The following CNKSR2 variants were observed in gnomAD, a reference collection of about 807,000 sequenced individuals.
The protein encoded by CNKSR2 is connector enhancer of kinase suppressor of Ras 2.
In CNKSR2, 14 loss-of-function variants were observed where a neutral mutation model predicts 84.4. The observed-to-expected ratio is 0.17, with a 90% CI of 0.11 to 0.26. The LOEUF (loss-of-function observed/expected upper bound fraction) is 0.26. CNKSR2 is among the 10% of genes least tolerant of loss of function. The probability of loss-of-function intolerance (pLI) is 1.00; values close to 1 mark genes in which losing one functional copy is unlikely to be tolerated. For missense variants in CNKSR2, 485 were observed against 771.2 expected, an observed-to-expected ratio of 0.63 and a Z score of 4.40; for synonymous variants, 275 against 277.9, an observed-to-expected ratio of 0.99 and a Z score of 0.10.
intron 13 of CNKSR2, among the ~76,000 whole-genome samples, chrX:21,568,049 A>G (rs2092255124): frequency 8.9e-6 from 1 of 111,787 alleles, no homozygotes; most frequent in Admixed American, 9.5e-5. Flanking sequence ...GCACTTTGGG[A>G]GGCCAAGGCG....
intron 11 of CNKSR2, among the ~76,000 whole-genome samples, chrX:21,549,972 G>T (rs1569236283): frequency 8.9e-6 from 1 of 111,963 alleles, no homozygotes; most frequent in Non-Finnish European, 1.9e-5. Flanking sequence ...AACCCTAGAA[G>T]AAAACCTAGG....
intron 4 of CNKSR2, among the ~76,000 whole-genome samples, chrX:21,445,971 G>A (rs1476960261): frequency 1.8e-5 from 2 of 111,275 alleles, no homozygotes; most frequent in African/African-American, 6.5e-5. Context: ...CCTAGTAGTG[G>A]GATTGCTGGA....
intron 6 of CNKSR2, chrX:21,494,258 A>C (rs2091470667): frequency 9.0e-6 from 1 of 111,561 alleles, no homozygotes; most frequent in African/African-American, 3.3e-5. Flanking sequence ...TTATGACCTC[A>C]TCATTTATAG....
chrX:21,385,508 A>G (rs1014177140), intron 1 of CNKSR2, among the ~76,000 whole-genome samples: 3 of 112,061 alleles, frequency 2.7e-5, no homozygotes, highest in Non-Finnish European at 5.6e-5. Context: ...TGCTTTCCCT[A>G]CATTACATTT....
At chrX:21,395,080 A>T (rs988997179) in intron 1 of CNKSR2, among the ~76,000 whole-genome samples, 1 of 111,752 alleles carries the variant, frequency 8.9e-6, no homozygotes, top group Non-Finnish European at 1.9e-5. Flanking sequence ...GTTGTTTGAA[A>T]GTGTACTTTC....
At chrX:21,623,774 A>C (rs2092611547) in intron 20 of CNKSR2, among the ~76,000 whole-genome samples, 1 of 112,022 alleles carries the variant, frequency 8.9e-6, no homozygotes. Flanking sequence ...ATACCTTACA[A>C]AATACTGCAT....
At chrX:21,518,651 T>C (rs1329486043) in intron 9 of CNKSR2, among the ~76,000 whole-genome samples, 1 of 111,616 alleles carries the variant, frequency 9.0e-6, no homozygotes, top group Non-Finnish European at 1.9e-5. Flanking sequence ...AGGACTTTAA[T>C]TTTAAAAATT....
chrX:21,590,118 G>A (rs187456639), intron 13 of CNKSR2, among the ~76,000 whole-genome samples: 352 of 111,643 alleles, frequency 3.2e-3, no homozygotes, highest in Non-Finnish European at 5.8e-3. Flanking sequence ...GCTGAAATAT[G>A]TAGGGACTAA....
chrX:21,572,926 C>A (rs1327467069), intron 13 of CNKSR2, among the ~76,000 whole-genome samples: 1 of 111,698 alleles, frequency 9.0e-6, no homozygotes, highest in Non-Finnish European at 1.9e-5. Context: ...ACTCAAAAGT[C>A]CAAGTCCAAA....
At chrX:21,632,307 A>G (rs898203378) in intron 20 of CNKSR2, among the ~76,000 whole-genome samples, 8 of 111,456 alleles carry the variant, frequency 7.2e-5, no homozygotes, top group Non-Finnish European at 1.5e-4. Context: ...CTTTTTCATC[A>G]CCATGGAGAC....
At chrX:21,423,597 C>T (rs914637296) in intron 1 of CNKSR2, 3 of 111,807 alleles carry the variant, frequency 2.7e-5, no homozygotes, top group Non-Finnish European at 5.6e-5. Context: ...TATAGAGCGA[C>T]TGCTTGCTTG....
intron 1 of CNKSR2, among the ~76,000 whole-genome samples, chrX:21,381,170 C>T (rs2089893996): frequency 9.0e-6 from 1 of 111,255 alleles, no homozygotes; most frequent in Non-Finnish European, 1.9e-5. Context: ...CTTTTTAAAA[C>T]ATTATATTAA....
At chrX:21,581,507 G>A (rs1050472296) in intron 13 of CNKSR2, among the ~76,000 whole-genome samples, 4 of 112,130 alleles carry the variant, frequency 3.6e-5, no homozygotes, top group African/African-American at 1.3e-4. Flanking sequence ...GGGGCCAAGG[G>A]TAAGTGTGGA....
At chrX:21,595,476 C>A in intron 17 of CNKSR2, 81 bp downstream of exon 17, 1 of 560,573 alleles carries the variant, frequency 1.8e-6, no homozygotes, top group Non-Finnish European at 2.9e-6. Context: ...AGAATAATGT[C>A]ACTGAAGTTT....
At chrX:21,585,849 T>C (rs1382716587) in intron 13 of CNKSR2, among the ~76,000 whole-genome samples, 1 of 111,657 alleles carries the variant, frequency 9.0e-6, no homozygotes, top group Non-Finnish European at 1.9e-5. Context: ...TAATAAATGA[T>C]GTTTTTGGAA....
At chrX:21,415,580 T>C (rs1368520517) in intron 1 of CNKSR2, among the ~76,000 whole-genome samples, 1 of 89,001 alleles carries the variant, frequency 1.1e-5, no homozygotes. Context: ...GATAGTTTGC[T>C]GAGAATGATG....
intron 15 of CNKSR2, chrX:21,592,219 T>C (rs960268763): frequency 9.0e-6 from 1 of 111,696 alleles, no homozygotes; most frequent in Non-Finnish European, 1.9e-5. Flanking sequence ...AGAGTAATAA[T>C]AATGCTTATC....
At chrX:21,447,403 T>C (rs2090869704) in intron 4 of CNKSR2, among the ~76,000 whole-genome samples, 1 of 111,778 alleles carries the variant, frequency 8.9e-6, no homozygotes, top group African/African-American at 3.2e-5. Flanking sequence ...TCATTATCTT[T>C]CTACTATCTG....
intron 20 of CNKSR2, among the ~76,000 whole-genome samples, chrX:21,623,910 T>A (rs1038475653): frequency 3.6e-5 from 4 of 111,691 alleles, no homozygotes; most frequent in Admixed American, 2.9e-4. Flanking sequence ...TGTCCTCCAT[T>A]ATATGGAGCA....
Sources: allele counts gnomAD v4.1 joint callset (sites outside exome capture counted in the v4.1 genomes callset), GRCh38; gene constraint gnomAD v4.1.1; transcripts MANE v1.5; gene names NCBI Gene and HGNC (gene_info 2026-07-23, HGNC 2026-07-21).